Variants in CEP162 observed in about 807,000 individuals in gnomAD.
CEP162 encodes centrosomal protein of 162 kDa.
A neutral mutation model predicts 169.2 loss-of-function variants in CEP162; 141 were observed. That is an observed-to-expected ratio of 0.83 (90% CI 0.73 to 0.96). The LOEUF is 0.96. Among genes scored for constraint, CEP162 ranks in the 40% least tolerant of loss-of-function variants. The probability of loss-of-function intolerance (pLI) is 0.00; values close to 1 mark genes in which losing one functional copy is unlikely to be tolerated. For synonymous variants in CEP162, 540 were observed against 526.4 expected, an observed-to-expected ratio of 1.03 and a Z score of -0.35; for missense variants, 1,600 against 1,587.2, an observed-to-expected ratio of 1.01 and a Z score of -0.14.
chr6:84,175,531 T>C (rs2099532069), intron 13 of CEP162, among the ~76,000 whole-genome samples, 184 bp from the exon 14 acceptor site: 1 of 152,182 alleles, frequency 6.6e-6, no homozygotes, highest in Non-Finnish European at 1.5e-5. Context: ...AGATTGCCAC[T>C]CCATAATCAA....
chr6:84,185,295 T>C lies in CEP162; in HGVS notation c.1555A>G (p.Ser519Gly). Residue 519 changes from serine (S) to glycine (G), a missense_variant, in exon 13 of 27, where the codon AGT becomes GGT. Ser to Gly is a moderately conservative substitution (Grantham distance 56). Coordinates refer to ENST00000403245, the MANE Select transcript of CEP162 (RefSeq NM_014895.4). ...GTAGAAAACATCTTGAGTGGTGAAC[T>C]GGGTTTGCCATAGCCTGAGCTCCTA... is the stretch of plus-strand genomic sequence containing the variant. The part of the protein sequence containing the change: ...SVRSSGYGKP[S>G]SPLKMFSTLE... 1 of 1,613,756 alleles carries C rather than the reference T, an allele frequency of 6.2e-7. No homozygotes were observed. The highest frequency in any genetic ancestry group is 8.5e-7 in the Non-Finnish European group (1 of 1,179,706).
Position 84,226,374 on chromosome 6 carries a change from T to C in CEP162, c.20A>G (p.Glu7Gly), listed in dbSNP as rs746717502. 3.8e-6 allele frequency: 6 copies of C among 1,569,484 alleles called. No homozygotes were observed. The highest frequency in any genetic ancestry group is 5.2e-6 in the Non-Finnish European group (6 of 1,154,610). The change falls in exon 2 of 27, where the codon GAA becomes GGA. Residue 7 changes from glutamate to glycine, a missense_variant. Coordinates refer to ENST00000403245, the MANE Select transcript of CEP162 (RefSeq NM_014895.4). MANCSQ[E>G]ELDEEFEQFM... is the part of the protein sequence containing the mutation. ...CTGTTCAAACTCTTCATCTAGCTCTTCTTGGGAACAGTTAGCCATAGTCAA... is the reference window on the plus strand; with the variant it reads ...CTGTTCAAACTCTTCATCTAGCTCTCCTTGGGAACAGTTAGCCATAGTCAA...
In CEP162 at chr6:84,124,348, G is replaced by A. The variant is rs970956067; in HGVS notation, c.*722C>T. On this transcript the variant is annotated 3_prime_UTR_variant, in exon 27 of 27. Transcript: ENST00000403245. ...ACAATTGACTGGATAAAGAAAACGTGAGATATATATAGAGAGAGATATATA... is the reference window on the plus strand; with the variant it reads ...ACAATTGACTGGATAAAGAAAACGTAAGATATATATAGAGAGAGATATATA... 2.0e-5 allele frequency: 3 copies of A among 151,862 alleles called. No individual in the cohort carries two copies. The highest frequency in any genetic ancestry group is 4.8e-5 in the African/African-American group (2 of 41,354). The allele number at this position is 151,862 out of a possible 1,614,324, so 9.4% of individuals were successfully genotyped here.
At chr6:84,164,763 C>CA (rs2099527139) in intron 18 of CEP162, among the ~76,000 whole-genome samples, 1 of 151,882 alleles carries the variant, frequency 6.6e-6, no homozygotes, top group Non-Finnish European at 1.5e-5. Context: ...TTAAAACCTA[C>CA]ATGATAGGTT....
chr6:84,185,520 A>T, intron 12 of CEP162, 72 bp from the exon 13 acceptor site: 1 of 1,297,216 alleles, frequency 7.7e-7, no homozygotes, highest in Non-Finnish European at 1.1e-6. Context: ...AATATTTAAT[A>T]GATGGCAAAA....
chr6:84,161,015 T>G, intron 20 of CEP162, 99 bp from the exon 21 acceptor site: 2 of 803,514 alleles, frequency 2.5e-6, no homozygotes, highest in South Asian at 1.6e-5. Context: ...CATTTATTAA[T>G]TCCTCAGCAA....
At chr6:84,163,975 C>G (rs754350720) in intron 18 of CEP162, among the ~76,000 whole-genome samples, 4 of 143,894 alleles carry the variant, frequency 2.8e-5, no homozygotes, top group Admixed American at 7.1e-5. Flanking sequence ...GACTAATATC[C>G]AGAATCTACA....
At chr6:84,167,298 C>A (rs999201000) in intron 18 of CEP162, among the ~76,000 whole-genome samples, 1 of 152,148 alleles carries the variant, frequency 6.6e-6, no homozygotes, top group Non-Finnish European at 1.5e-5. Flanking sequence ...TTATGATCAT[C>A]TACTTAATTC....
chr6:84,205,301 T>G (rs975538906), intron 6 of CEP162, among the ~76,000 whole-genome samples: 1 of 152,164 alleles, frequency 6.6e-6, no homozygotes, highest in Admixed American at 6.5e-5. Context: ...CCAATATCCC[T>G]GATGAACATG....
intron 25 of CEP162, among the ~76,000 whole-genome samples, chr6:84,134,969 G>A (rs1394758821): frequency 6.7e-6 from 1 of 149,396 alleles, no homozygotes; most frequent in Non-Finnish European, 1.5e-5. Context: ...TATAGTGTTA[G>A]GTTAAAAATG....
chr6:84,173,301 G>A (rs1015349958), intron 16 of CEP162, among the ~76,000 whole-genome samples: 1 of 152,138 alleles, frequency 6.6e-6, no homozygotes, highest in Non-Finnish European at 1.5e-5. Context: ...AGTAAAAAAT[G>A]TCCTAAGTTG....
At chr6:84,203,818 CTTGAG>C (rs984433322) in intron 7 of CEP162, among the ~76,000 whole-genome samples, 158 bp downstream of exon 7, 1 of 152,020 alleles carries the variant, frequency 6.6e-6, no homozygotes, top group African/African-American at 2.4e-5. Context: ...AATTTAATAT[CTTGAG>C]TTAAGAAAAT....
At chr6:84,158,692 C>T (rs1053002219) in intron 21 of CEP162, among the ~76,000 whole-genome samples, 5 of 152,030 alleles carry the variant, frequency 3.3e-5, no homozygotes, top group African/African-American at 1.2e-4. Context: ...TATGAAAATA[C>T]ATGTATACAT....
At chr6:84,180,679 C>T (rs2099534419) in intron 13 of CEP162, among the ~76,000 whole-genome samples, 1 of 151,838 alleles carries the variant, frequency 6.6e-6, no homozygotes, top group Admixed American at 6.6e-5. Context: ...GCAAAAATCA[C>T]AAGCATTCTT....
At position 84,174,073 on chromosome 6, in the gene CEP162, T is replaced by C. The variant is rs754298543; in HGVS notation, c.2141A>G (p.Glu714Gly). The stretch of plus-strand genomic sequence containing the variant: ...CTGTTGATATCCTTGAAGAAGTGTC[T>C]CTTGTTCTTGTATTTCTTTTTGGAT... ...KQIQKEIQEQ[E>G]TLLQGYQQEN... The change falls in exon 16 of 27, where the codon GAG (glutamate) becomes GGG (glycine). Residue 714 changes from glutamate to glycine, a missense_variant. Coordinates refer to ENST00000403245, the MANE Select transcript of CEP162 (RefSeq NM_014895.4). 1.2e-6 allele frequency: 2 copies of C among 1,612,660 alleles called. No homozygotes were observed. The highest frequency in any genetic ancestry group is 2.7e-5 in the African/African-American group (2 of 74,892).
intron 25 of CEP162, among the ~76,000 whole-genome samples, chr6:84,136,568 C>T (rs780498529): frequency 2.0e-5 from 3 of 152,156 alleles, no homozygotes; most frequent in Non-Finnish European, 2.9e-5. Context: ...TAGTGGGAGA[C>T]ATTATAGGCT....
At position 84,125,166 on chromosome 6, in the gene CEP162, T is replaced by A; in HGVS notation, c.4116A>T (p.Glu1372Asp). Residue 1372 changes from glutamate (E) to aspartate (D), a missense_variant, in exon 27 of 27, where the codon GAA becomes GAT. Transcript: ENST00000403245. ...KNRELEKFRTELDSILDVLRE... is the reference protein window; with the variant it reads ...KNRELEKFRTDLDSILDVLRE... ...GGAGAACATCTAATATTGAGTCTAGTTCTGTGCGGAACTTCTCCAGCTCAC... is the reference window on the plus strand; with the variant it reads ...GGAGAACATCTAATATTGAGTCTAGATCTGTGCGGAACTTCTCCAGCTCAC... 1 of 1,613,670 alleles carries A rather than the reference T, an allele frequency of 6.2e-7. No individual in the cohort carries two copies. Among genetic ancestry groups the A allele is most frequent in the Non-Finnish European group, 8.5e-7 (1 of 1,179,688 alleles).
In CEP162 at chr6:84,125,158, G is replaced by T. The variant is rs2099508399; in HGVS notation, c.4124C>A (p.Ser1375Ter). Residue 1375 changes from serine to a stop codon, truncating the protein, a stop_gained, in exon 27 of 27, where the codon TCA becomes TAA. Transcript: ENST00000403245. LOFTEE classifies it high-confidence loss of function. ...ELEKFRTELDSILDVLRELHR... is the reference protein window; with the variant it reads ...ELEKFRTELD Reference sequence around the variant, plus strand: ...CAGCTCTCGGAGAACATCTAATATTGAGTCTAGTTCTGTGCGGAACTTCTC... The same window carrying T: ...CAGCTCTCGGAGAACATCTAATATTTAGTCTAGTTCTGTGCGGAACTTCTC... 6.2e-7 allele frequency: 1 copy of T among 1,613,412 alleles called. No homozygotes were observed. The highest frequency in any genetic ancestry group is 8.5e-7 in the Non-Finnish European group (1 of 1,179,624).
chr6:84,183,658 T>G (rs2099535858), intron 13 of CEP162, among the ~76,000 whole-genome samples: 1 of 152,170 alleles, frequency 6.6e-6, no homozygotes, highest in Non-Finnish European at 1.5e-5. Flanking sequence ...TTAAATTCCA[T>G]GGTCAACCAT....
Sources: gnomAD v4.1 joint callset for allele counts (sites outside exome capture counted in the v4.1 genomes callset) on GRCh38, gnomAD v4.1.1 for gene constraint, MANE v1.5 for transcripts, NCBI Gene and HGNC (gene_info 2026-07-23, HGNC 2026-07-21) for gene names.